Variants in TMEM144 observed in about 807,000 individuals in gnomAD.
TMEM144 encodes transmembrane protein 144.
Under a neutral mutation model 43.6 loss-of-function variants are expected in TMEM144, and 39 were observed. The ratio of observed to expected loss-of-function variants is 0.90; its 90% CI spans 0.69 to 1.17. The LOEUF (loss-of-function observed/expected upper bound fraction) is 1.17, where lower values mean the gene tolerates loss of function less well. Among genes scored for constraint, TMEM144 ranks in the 50% most tolerant of loss-of-function variants. The pLI is 0.00. For synonymous variants in TMEM144, 154 were observed against 133.6 expected, an observed-to-expected ratio of 1.15 and a Z score of -1.06; for missense variants, 417 against 411.9, an observed-to-expected ratio of 1.01 and a Z score of -0.11.
intron 11 of TMEM144, among the ~76,000 whole-genome samples, chr4:158,243,799 C>G (rs1269903906): frequency 6.6e-6 from 1 of 152,116 alleles, no homozygotes; most frequent in Non-Finnish European, 1.5e-5. Flanking sequence ...CTTGATTGCT[C>G]TGTAGTAATA....
chr4:158,241,922 T>C (rs1735657916), intron 11 of TMEM144, among the ~76,000 whole-genome samples: 1 of 152,212 alleles, frequency 6.6e-6, no homozygotes, highest in South Asian at 2.1e-4. Flanking sequence ...TCTCTCCTTA[T>C]ATAAAAGTTT....
At chr4:158,214,117 ACCT>A (rs1734102228) in intron 3 of TMEM144, 1 of 152,052 alleles carries the variant, frequency 6.6e-6, no homozygotes, top group Non-Finnish European at 1.5e-5. Context: ...GCTCACAGCA[ACCT>A]CCACCTTTAG....
At chr4:158,241,446 C>A in intron 10 of TMEM144, 63 bp from the exon 11 acceptor site, 1 of 1,214,250 alleles carries the variant, frequency 8.2e-7, no homozygotes, top group Non-Finnish European at 1.2e-6. Context: ...CCTGTTGTAG[C>A]TCAGTGTGAG....
At chr4:158,215,409 G>A in intron 4 of TMEM144, 96 bp downstream of exon 4, 2 of 1,441,258 alleles carry the variant, frequency 1.4e-6, no homozygotes, top group South Asian at 1.4e-5. Flanking sequence ...CAGTGATTCT[G>A]AATAACCCTT....
intron 12 of TMEM144, among the ~76,000 whole-genome samples, chr4:158,251,861 A>G (rs1296524559): frequency 6.6e-6 from 1 of 152,180 alleles, no homozygotes; most frequent in Non-Finnish European, 1.5e-5. Context: ...CACTTTCTTG[A>G]GTGTGTACTT....
Position 158,245,213 on chromosome 4 carries a change from A to AGTGTGTGTGTGT in TMEM144, c.954+903_954+914dup, listed in dbSNP as rs759486531. ...GCATTCATCAAATAGTTCTAGTAAG[A>AGTGTGTGTGTGT]GTGTGTGTGTGTGTGTGTGTGTGTG... On this transcript the variant is annotated intron_variant, in intron 12 of 12. Transcript: ENST00000296529. 4.0e-5 allele frequency among the ~76,000 whole-genome samples: 5 copies of AGTGTGTGTGTGT among 125,686 alleles called. No individual in the cohort carries two copies. In the East Asian group the frequency reaches 7.0e-4, roughly 18 times the overall value. 82.5% of individuals were successfully genotyped at this position (125,686 alleles called of 152,430 possible).
rs202038549 is a variant in TMEM144, at chr4:158,217,346, C to A, written c.258C>A (p.Ile86=). Residue 86 remains isoleucine, a synonymous_variant, in exon 5 of 13, where the codon ATC becomes ATA. Transcript: ENST00000296529. ...ATGNIAVVPI[I]KTIGLGLGIL... Reference sequence around the variant, plus strand: ...GGAACATTGCTGTTGTCCCAATTATCAAAACCATTGGTTTAGGCCTTGGAA... The same window carrying A: ...GGAACATTGCTGTTGTCCCAATTATAAAAACCATTGGTTTAGGCCTTGGAA... 1.9e-6 allele frequency: 3 copies of A among 1,612,834 alleles called. No homozygotes were observed. Among genetic ancestry groups the A allele is most frequent in the African/African-American group, 1.3e-5 (1 of 74,866 alleles).
chr4:158,247,120 A>G lies in TMEM144; in HGVS notation c.954+2771A>G, dbSNP rs113164185. Among the ~76,000 whole-genome samples, 973 of 152,048 alleles carry G rather than the reference A, an allele frequency of 6.4e-3. 13 individuals carry two copies. Among genetic ancestry groups the G allele is most frequent in the African/African-American group, 0.022 (935 of 41,574 alleles). ...GGAATGCAAGGATCGTTCATAATAC[A>G]TAAATTAATTAATATCATTTACTCT... On this transcript the variant is annotated intron_variant, in intron 12 of 12. Transcript: ENST00000296529.
chr4:158,228,727 G>T (rs13150817), intron 6 of TMEM144, among the ~76,000 whole-genome samples: 39,956 of 151,980 alleles, frequency 0.26, 6,211 homozygotes, highest in Non-Finnish European at 0.36. Flanking sequence ...CAATCACCTC[G>T]CTTCCCGGTC....
At chr4:158,240,275 A>C in intron 9 of TMEM144, 24 bp from the exon 10 acceptor site, 6 of 1,592,106 alleles carry the variant, frequency 3.8e-6, no homozygotes, top group Non-Finnish European at 4.3e-6. Flanking sequence ...ATGGTGTTTG[A>C]GAGTTTTTAA....
At chr4:158,224,179 T>C (rs1224528477) in intron 6 of TMEM144, among the ~76,000 whole-genome samples, 1 of 152,246 alleles carries the variant, frequency 6.6e-6, no homozygotes, top group East Asian at 1.9e-4. Context: ...TGAGCTTTTT[T>C]CATGTTTGTT....
intron 9 of TMEM144, among the ~76,000 whole-genome samples, chr4:158,237,905 A>C (rs1735438248): frequency 6.6e-6 from 1 of 152,174 alleles, no homozygotes; most frequent in Non-Finnish European, 1.5e-5. Flanking sequence ...TTCCAGTAAG[A>C]TTTGGAAATT....
intron 6 of TMEM144, among the ~76,000 whole-genome samples, chr4:158,230,520 A>G (rs1380728030): frequency 1.3e-5 from 2 of 152,150 alleles, no homozygotes; most frequent in African/African-American, 2.4e-5. Flanking sequence ...TATACAGAGT[A>G]GAGGATTTTC....
At chr4:158,247,522 T>C (rs943382556) in intron 12 of TMEM144, among the ~76,000 whole-genome samples, 1 of 152,098 alleles carries the variant, frequency 6.6e-6, no homozygotes, top group African/African-American at 2.4e-5. Flanking sequence ...CTGAAAAATT[T>C]AACATCCAAT....
intron 12 of TMEM144, among the ~76,000 whole-genome samples, chr4:158,245,794 G>A (rs1264203139): frequency 1.3e-5 from 2 of 152,038 alleles, no homozygotes; most frequent in East Asian, 3.9e-4. Context: ...CAGGTGTGGT[G>A]AGGAACACTT....
chr4:158,214,417 A>G (rs1448801557), intron 3 of TMEM144, among the ~76,000 whole-genome samples: 1 of 152,196 alleles, frequency 6.6e-6, no homozygotes, highest in African/African-American at 2.4e-5. Flanking sequence ...CAATCTTCCA[A>G]AGTTAGTGCC....
intron 4 of TMEM144, 129 bp from the exon 5 acceptor site, chr4:158,217,192 G>A (rs1734264677): frequency 3.4e-6 from 2 of 588,694 alleles, no homozygotes; most frequent in South Asian, 5.7e-5. Context: ...AAAAAATAAG[G>A]AACTGTGCTT....
At chr4:158,213,005 A>T in intron 3 of TMEM144, 7 of 573,438 alleles carry the variant, frequency 1.2e-5, no homozygotes, top group Non-Finnish European at 2.2e-5. Flanking sequence ...ACAGTCAGGA[A>T]ATCTCTTGGG....
At chr4:158,236,915 G>T (rs1481637732) in intron 8 of TMEM144, among the ~76,000 whole-genome samples, 1 of 152,176 alleles carries the variant, frequency 6.6e-6, no homozygotes, top group East Asian at 1.9e-4. Context: ...TGGGGAGTCC[G>T]CCTGACTCCA....
Sources: gnomAD v4.1 joint callset for allele counts (sites outside exome capture counted in the v4.1 genomes callset) on GRCh38, gnomAD v4.1.1 for gene constraint, MANE v1.5 for transcripts, NCBI Gene and HGNC (gene_info 2026-07-23, HGNC 2026-07-21) for gene names.